TLK2: variants seen among roughly 807,000 people sequenced by gnomAD.
TLK2 encodes the protein tousled like kinase 2, also known as serine/threonine-protein kinase tousled-like 2.
Under a neutral mutation model 117.3 loss-of-function variants are expected in TLK2, and 6 were observed. That is an observed-to-expected ratio of 0.05 (90% confidence interval 0.03 to 0.10). The LOEUF is 0.10. Ranked by LOEUF, TLK2 falls within the 10% of genes least tolerant of loss-of-function variation. The probability of loss-of-function intolerance (pLI) is 1.00; values close to 1 mark genes in which losing one functional copy is unlikely to be tolerated. For missense variants in TLK2, 299 were observed against 901.2 expected (o/e 0.33, Z 8.56); for synonymous variants, 257 against 316.7 (o/e 0.81, Z 2.00).
chr17:62,594,619 G>A (rs1402354901), intron 16 of TLK2, among the ~76,000 whole-genome samples: 2 of 152,078 alleles, frequency 1.3e-5, no homozygotes, highest in African/African-American at 2.4e-5. Context: ...AATACTAAAC[G>A]TTGAAATGTA....
intron 15 of TLK2, among the ~76,000 whole-genome samples, chr17:62,584,249 T>TGGGACTA (rs1325005244): frequency 6.6e-6 from 1 of 151,290 alleles, no homozygotes; most frequent in African/African-American, 2.4e-5. Context: ...CCCAAGTAGC[T>TGGGACTA]GGGACTACAG....
chr17:62,499,004 C>T (rs1254641930), intron 2 of TLK2, among the ~76,000 whole-genome samples: 5 of 151,972 alleles, frequency 3.3e-5, no homozygotes, highest in African/African-American at 1.2e-4. Context: ...GCTGGGACCA[C>T]AGGCATGTGC....
chr17:62,549,189 C>T (rs186365602), intron 7 of TLK2, among the ~76,000 whole-genome samples: 4 of 147,176 alleles, frequency 2.7e-5, no homozygotes, highest in Admixed American at 2.0e-4. Flanking sequence ...GTCAGGAGAT[C>T]GAAACCATCC....
At position 62,578,500 on chromosome 17, in the gene TLK2, G is replaced by A. The variant is rs1034031516; in HGVS notation, c.1212G>A (p.Glu404=). ...AGGAGGAAGCAGAGATCCAGGCAGA[G>A]CTGGAGAGACTAGAAAGGGTTAGAA... The part of the protein sequence containing the change: ...LKKEEAEIQA[E]LERLERVRNL... The change falls in exon 14 of 22, where the codon GAG becomes GAA. Residue 404 remains glutamate (E), a synonymous_variant. Coordinates refer to ENST00000346027, the MANE Select transcript of TLK2 (RefSeq NM_006852.6). The A allele has an allele frequency of 4.3e-6, 7 of 1,613,806 alleles. No homozygotes were observed. The highest frequency in any genetic ancestry group is 1.3e-5 in the African/African-American group (1 of 74,916).
At chr17:62,499,153 G>A (rs2073971106) in intron 2 of TLK2, among the ~76,000 whole-genome samples, 1 of 151,550 alleles carries the variant, frequency 6.6e-6, no homozygotes, top group Non-Finnish European at 1.5e-5. Flanking sequence ...CCAGCCTGGC[G>A]ACCACGGCAA....
At chr17:62,483,741 G>C (rs2071984251) in intron 2 of TLK2, among the ~76,000 whole-genome samples, 1 of 152,138 alleles carries the variant, frequency 6.6e-6, no homozygotes, top group Admixed American at 6.6e-5. Flanking sequence ...GACCTCAAAT[G>C]ATCCACCTGC....
At chr17:62,543,784 GTTTAC>G (rs1474669313) in intron 7 of TLK2, among the ~76,000 whole-genome samples, 1 of 152,184 alleles carries the variant, frequency 6.6e-6, no homozygotes, top group African/African-American at 2.4e-5. Context: ...TGGGTGGTCA[GTTTAC>G]TTCTTGACGG....
chr17:62,519,917 G>T (rs737036), intron 2 of TLK2, among the ~76,000 whole-genome samples: 6,592 of 152,118 alleles, frequency 0.043, 150 homozygotes, highest in Middle Eastern at 0.11. Context: ...CTTTCCACTT[G>T]CGTAGTACCA....
In TLK2 at chr17:62,478,852, G is replaced by A. The variant is rs1417228246; in HGVS notation, c.-444G>A. Among the ~76,000 whole-genome samples, 1 of 150,400 alleles carries A rather than the reference G, an allele frequency of 6.6e-6. No individual in the cohort carries two copies. The highest frequency in any genetic ancestry group is 1.5e-5 in the Non-Finnish European group (1 of 67,460). On this transcript the variant is annotated 5_prime_UTR_variant, in exon 1 of 22. Transcript: ENST00000346027. ...TACTAATCCGGACCGAACCGATCCG[G>A]ATTAAGGGGCCGGAGGCGGGTCCTG...
At chr17:62,492,263 A>G (rs1324508993) in intron 2 of TLK2, among the ~76,000 whole-genome samples, 1 of 152,166 alleles carries the variant, frequency 6.6e-6, no homozygotes, top group Non-Finnish European at 1.5e-5. Context: ...TGGGTTGCAT[A>G]CAATAAAATA....
At chr17:62,596,492 A>G (rs7215672) in intron 16 of TLK2, 93 bp from the exon 17 acceptor site, 19,227 of 936,822 alleles carry the variant, frequency 0.021, 309 homozygotes, top group Non-Finnish European at 0.029. Flanking sequence ...TGTGGAGACA[A>G]TAGAGAAATG....
At chr17:62,532,487 AT>A (rs917830245) in intron 6 of TLK2, among the ~76,000 whole-genome samples, 1 of 152,174 alleles carries the variant, frequency 6.6e-6, no homozygotes, top group Non-Finnish European at 1.5e-5. Flanking sequence ...TCAAAAACTA[AT>A]TTCTTTGTCA....
chr17:62,612,002 G>C (rs2083818321), intron 21 of TLK2: 1 of 156,482 alleles, frequency 6.4e-6, no homozygotes, highest in African/African-American at 2.4e-5. Context: ...AAGTTCACAT[G>C]AGGCCATGGT....
At chr17:62,581,904 C>G (rs2081249185) in intron 15 of TLK2, among the ~76,000 whole-genome samples, 1 of 152,116 alleles carries the variant, frequency 6.6e-6, no homozygotes. Flanking sequence ...CCCTTTTCAT[C>G]ACTTGGGAAT....
At chr17:62,578,177 T>C (rs1033957942) in intron 13 of TLK2, among the ~76,000 whole-genome samples, 2 of 152,212 alleles carry the variant, frequency 1.3e-5, no homozygotes, top group Non-Finnish European at 2.9e-5. Flanking sequence ...CACAAAACAT[T>C]CCTGAAAACT....
intron 5 of TLK2, 26 bp from the exon 6 acceptor site, chr17:62,524,210 C>G (rs956593969): frequency 1.9e-6 from 3 of 1,613,398 alleles, no homozygotes; most frequent in African/African-American, 1.3e-5. Context: ...TTGAATTATT[C>G]ATATCGGTTT....
At chr17:62,567,372 A>G (rs931124785) in intron 11 of TLK2, among the ~76,000 whole-genome samples, 4 of 152,200 alleles carry the variant, frequency 2.6e-5, no homozygotes, top group Non-Finnish European at 2.9e-5. Flanking sequence ...TGACTTTGCT[A>G]TAGAGCCACC....
intron 11 of TLK2, among the ~76,000 whole-genome samples, chr17:62,567,904 A>G (rs1486654544): frequency 6.6e-6 from 1 of 152,144 alleles, no homozygotes; most frequent in Non-Finnish European, 1.5e-5. Context: ...TAGGAAAATT[A>G]TATCAGATTT....
upstream of TLK2, among the ~76,000 whole-genome samples, chr17:62,475,059 A>G (rs2071012060): frequency 6.6e-6 from 1 of 152,092 alleles, no homozygotes. Flanking sequence ...CAACAACAAA[A>G]TCCCCTTAGA....
Sources: gnomAD v4.1 joint callset for allele counts (sites outside exome capture counted in the v4.1 genomes callset) on GRCh38, gnomAD v4.1.1 for gene constraint, MANE v1.5 for transcripts, NCBI Gene and HGNC (gene_info 2026-07-23, HGNC 2026-07-21) for gene names.